FOXN3: variants seen among roughly 807,000 people sequenced by gnomAD.
The protein encoded by FOXN3 is forkhead box N3, also known as forkhead box protein N3.
FOXN3 carries 7 observed loss-of-function variants against 38.4 expected under a neutral mutation model. That is an observed-to-expected ratio of 0.18 (90% CI 0.10 to 0.34). The LOEUF (loss-of-function observed/expected upper bound fraction) is 0.34. FOXN3 is among the 10% of genes least tolerant of loss of function. The probability of loss-of-function intolerance (pLI) is 1.00; values close to 1 mark genes in which losing one functional copy is unlikely to be tolerated. For missense variants in FOXN3, 456 were observed against 613.4 expected (o/e 0.74, Z 2.71); for synonymous variants, 230 against 242.2 (o/e 0.95, Z 0.47).
intron 2 of FOXN3, among the ~76,000 whole-genome samples, chr14:89,408,920 G>A (rs1011443877): frequency 6.6e-6 from 1 of 152,078 alleles, no homozygotes; most frequent in Non-Finnish European, 1.5e-5. Context: ...AGCTAAAGGA[G>A]CTTTCACTGG....
intron 1 of FOXN3, among the ~76,000 whole-genome samples, chr14:89,502,841 C>T (rs183704380): frequency 1.3e-3 from 196 of 152,286 alleles, no homozygotes; most frequent in African/African-American, 4.6e-3. Flanking sequence ...CAGTTTCTGA[C>T]TTCCAGGCCA....
chr14:89,170,246 C>T (rs538376031), intron 5 of FOXN3, among the ~76,000 whole-genome samples: 2 of 152,124 alleles, frequency 1.3e-5, no homozygotes. Flanking sequence ...CAAGAAGAAA[C>T]AGTCAAATCT....
At chr14:89,329,785 G>A (rs945594477) in intron 3 of FOXN3, among the ~76,000 whole-genome samples, 5 of 148,168 alleles carry the variant, frequency 3.4e-5, no homozygotes, top group African/African-American at 1.0e-4. Flanking sequence ...GAACCCGGGA[G>A]GCGGAGCTTG....
At chr14:89,591,355 C>A (rs1011403179) in intron 1 of FOXN3, among the ~76,000 whole-genome samples, 10 of 152,186 alleles carry the variant, frequency 6.6e-5, no homozygotes, top group Non-Finnish European at 1.3e-4. Context: ...AGAATGCCAG[C>A]ACCCAGGTTT....
At chr14:89,558,822 C>T (rs953844101) in intron 1 of FOXN3, among the ~76,000 whole-genome samples, 96 of 152,150 alleles carry the variant, frequency 6.3e-4, no homozygotes, top group African/African-American at 2.1e-3. Context: ...GCTGGAAGGT[C>T]GGGGCGACAG....
At chr14:89,281,729 A>C (rs375318237) in intron 3 of FOXN3, among the ~76,000 whole-genome samples, 3 of 152,330 alleles carry the variant, frequency 2.0e-5, no homozygotes, top group African/African-American at 7.2e-5. Flanking sequence ...CTTTATAACC[A>C]AGCCAGCCTT....
chr14:89,366,995 T>A (rs2140051690), intron 2 of FOXN3, among the ~76,000 whole-genome samples: 1 of 152,336 alleles, frequency 6.6e-6, no homozygotes, highest in Admixed American at 6.5e-5. Flanking sequence ...CCTGGCCAGG[T>A]AACAGTGACA....
chr14:89,430,232 CTT>C (rs1892127011), intron 1 of FOXN3, among the ~76,000 whole-genome samples: 1 of 152,016 alleles, frequency 6.6e-6, no homozygotes, highest in African/African-American at 2.4e-5. Context: ...TTTTTCCACT[CTT>C]TGAGAGGTTT....
chr14:89,267,253 A>G (rs1886012743), intron 4 of FOXN3, among the ~76,000 whole-genome samples: 1 of 152,190 alleles, frequency 6.6e-6, no homozygotes, highest in African/African-American at 2.4e-5. Context: ...TGAGGCATAT[A>G]AGGAAGGGCT....
chr14:89,449,517 GTCAA>G (rs1446100961), intron 1 of FOXN3, among the ~76,000 whole-genome samples: 4 of 152,312 alleles, frequency 2.6e-5, no homozygotes, highest in African/African-American at 9.6e-5. Flanking sequence ...CACACAGCAA[GTCAA>G]TCAGAGGACT....
intron 1 of FOXN3, among the ~76,000 whole-genome samples, chr14:89,446,087 C>CAAAAAAAAAAAAAAAAAAAAAAAAAAAA (rs576883864): frequency 5.0e-5 from 2 of 40,120 alleles, no homozygotes; most frequent in African/African-American, 1.7e-4. Flanking sequence ...GACCCTGCCT[C>CAAAAAAAAAAAAAAAAAAAAAAAAAAAA]AAAAAAAAAA....
intron 1 of FOXN3, among the ~76,000 whole-genome samples, chr14:89,496,137 C>A (rs1373176319): frequency 1.3e-5 from 2 of 152,068 alleles, no homozygotes; most frequent in Non-Finnish European, 2.9e-5. Context: ...CTCTTGAACC[C>A]GGGAGGCGGA....
In FOXN3 at chr14:89,562,444, G is replaced by A. The variant is rs1895269780; in HGVS notation, c.-15+56584C>T. Among the ~76,000 whole-genome samples the A allele has an allele frequency of 4.6e-5, 7 of 152,064 alleles. No homozygotes were observed. The South Asian group carries it at 1.5e-3, about 32-fold the overall frequency. On this transcript the variant is annotated intron_variant, in intron 1 of 6. Coordinates refer to the FOXN3 transcript ENST00000345097. ...CCAGCTAATTTTTGTATTTTCAGTA[G>A]AGACGGGGTTTCACCATGTTGGCCA... is the stretch of plus-strand genomic sequence containing the variant.
intron 3 of FOXN3, among the ~76,000 whole-genome samples, chr14:89,282,488 G>A (rs116432357): frequency 3.1e-3 from 478 of 152,174 alleles, no homozygotes; most frequent in African/African-American, 3.3e-3. Flanking sequence ...TTACTGTTTC[G>A]GGGCACTTAA....
At position 89,565,484 on chromosome 14, in the gene FOXN3, C is replaced by T. The variant is rs74079995; in HGVS notation, c.-15+53544G>A. ...TCACCCAGGACCTGGGAGACATGAT[C>T]GAGTTCCAGGCTCCCTTCTGCAATC... On this transcript the variant is annotated intron_variant, in intron 1 of 6. Transcript: ENST00000345097. 4.1e-3 allele frequency among the ~76,000 whole-genome samples: 617 copies of T among 152,268 alleles called. 6 individuals are homozygous for T. The highest frequency in any genetic ancestry group is 0.014 in the African/African-American group (594 of 41,554).
Position 89,163,873 on chromosome 14 carries a change from C to T in FOXN3, c.852-904G>A, listed in dbSNP as rs1297000488. Among the ~76,000 whole-genome samples the T allele has an allele frequency of 6.6e-6, 1 of 152,238 alleles. No homozygotes were observed. Among genetic ancestry groups the T allele is most frequent in the East Asian group, 1.9e-4 (1 of 5,196 alleles). Reference sequence around the variant, plus strand: ...ACTCTCAGACTTGAGGTCTTAGCTACATCACCAGACCGACCCTCCTTTGTG... The same window carrying T: ...ACTCTCAGACTTGAGGTCTTAGCTATATCACCAGACCGACCCTCCTTTGTG... On this transcript the variant is annotated intron_variant, in intron 5 of 5. Coordinates refer to ENST00000557258, the MANE Select transcript of FOXN3 (RefSeq NM_005197.4). This position sits in a 1 kb window ranked among gnomAD's most constrained non-coding sequence, Gnocchi z 4.3.
intron 3 of FOXN3, among the ~76,000 whole-genome samples, chr14:89,339,789 T>C (rs1888564146): frequency 6.6e-6 from 1 of 152,178 alleles, no homozygotes; most frequent in African/African-American, 2.4e-5. Flanking sequence ...TCGGGGCCAC[T>C]CCCCTGCAAA....
chr14:89,306,663 G>A (rs1020982129), intron 3 of FOXN3, among the ~76,000 whole-genome samples: 3 of 152,086 alleles, frequency 2.0e-5, no homozygotes, highest in African/African-American at 7.2e-5. Flanking sequence ...CACCGCGCCC[G>A]GCCCATTTTG....
At chr14:89,323,425 G>C (rs577969239) in intron 3 of FOXN3, among the ~76,000 whole-genome samples, 1 of 151,374 alleles carries the variant, frequency 6.6e-6, no homozygotes, top group African/African-American at 2.4e-5. Context: ...AGGTCCCAAA[G>C]AAGAAGAGGA....
Sources: allele counts gnomAD v4.1 joint callset (sites outside exome capture counted in the v4.1 genomes callset), GRCh38; gene constraint gnomAD v4.1.1; non-coding constraint Gnocchi (gnomAD v3.1); transcripts MANE v1.5; gene names NCBI Gene and HGNC (gene_info 2026-07-23, HGNC 2026-07-21).